Variants in GPC6 observed in about 807,000 individuals in gnomAD.
GPC6 encodes the protein glypican-6.
A neutral mutation model predicts 55.2 loss-of-function variants in GPC6; 14 were observed. The ratio of observed to expected loss-of-function variants is 0.25; its 90% CI spans 0.17 to 0.40. The LOEUF is 0.40. GPC6 is among the 10% of genes least tolerant of loss of function. The pLI, the probability that GPC6 is intolerant of heterozygous loss-of-function variation, is 1.00. For missense variants in GPC6, 641 were observed against 708.5 expected, an observed-to-expected ratio of 0.90 and a Z score of 1.08; for synonymous variants, 278 against 259.6, an observed-to-expected ratio of 1.07 and a Z score of -0.68.
At chr13:94,341,790 C>T (rs771050310) in intron 6 of GPC6, among the ~76,000 whole-genome samples, 2 of 152,022 alleles carry the variant, frequency 1.3e-5, no homozygotes, top group Non-Finnish European at 2.9e-5. Flanking sequence ...ATGATTTCCC[C>T]GAGTAAGGTT....
intron 4 of GPC6, among the ~76,000 whole-genome samples, chr13:94,127,940 A>T (rs2138861940): frequency 6.6e-6 from 1 of 152,302 alleles, no homozygotes; most frequent in South Asian, 2.1e-4. Context: ...GAAGGTGCTT[A>T]ATAAGGAAAG....
intron 6 of GPC6, among the ~76,000 whole-genome samples, chr13:94,315,454 A>G (rs1023202594): frequency 3.3e-5 from 5 of 152,162 alleles, no homozygotes; most frequent in East Asian, 1.9e-4. Context: ...ACCTGTCACA[A>G]TGGCAGGGGA....
intron 4 of GPC6, among the ~76,000 whole-genome samples, chr13:94,038,895 T>C (rs763459649): frequency 1.3e-5 from 2 of 151,948 alleles, no homozygotes; most frequent in Non-Finnish European, 2.9e-5. Context: ...TATCAACTAA[T>C]TGTTAATCAG....
intron 2 of GPC6, among the ~76,000 whole-genome samples, chr13:93,577,030 GT>G (rs1876700185): frequency 6.6e-6 from 1 of 152,136 alleles, no homozygotes; most frequent in Non-Finnish European, 1.5e-5. Context: ...AATGGGACAT[GT>G]TTTTGTGATG....
chr13:94,320,090 G>A (rs926449966), intron 6 of GPC6, among the ~76,000 whole-genome samples: 2 of 151,926 alleles, frequency 1.3e-5, no homozygotes, highest in African/African-American at 4.8e-5. Context: ...TATTTAGCTG[G>A]TAATAATGTA....
chr13:93,617,210 T>G (rs1040058012), intron 2 of GPC6, among the ~76,000 whole-genome samples: 3 of 152,148 alleles, frequency 2.0e-5, no homozygotes, highest in Non-Finnish European at 4.4e-5. Flanking sequence ...ATTTGCCAAA[T>G]AATTGCTATT....
At chr13:93,649,894 T>C (rs1880334200) in intron 2 of GPC6, among the ~76,000 whole-genome samples, 1 of 152,292 alleles carries the variant, frequency 6.6e-6, no homozygotes, top group East Asian at 1.9e-4. Context: ...TCACAGTACA[T>C]TCTGTGGTTC....
intron 3 of GPC6, among the ~76,000 whole-genome samples, chr13:93,856,123 G>A (rs1159895263): frequency 6.6e-6 from 1 of 151,444 alleles, no homozygotes; most frequent in East Asian, 2.0e-4. Context: ...GTATATATCA[G>A]CATTCTTGCA....
intron 4 of GPC6, among the ~76,000 whole-genome samples, chr13:94,177,376 C>T (rs1888813785): frequency 6.6e-6 from 1 of 151,848 alleles, no homozygotes. Flanking sequence ...ATATTTGCAG[C>T]AAATATGACT....
chr13:93,916,031 T>C (rs1877271186), intron 3 of GPC6, among the ~76,000 whole-genome samples: 2 of 151,892 alleles, frequency 1.3e-5, no homozygotes, highest in Admixed American at 6.6e-5. Context: ...CAGGAAGTGT[T>C]TTCCCTGGGA....
intron 2 of GPC6, among the ~76,000 whole-genome samples, chr13:93,603,215 G>A (rs1364227554): frequency 1.3e-5 from 2 of 151,944 alleles, no homozygotes; most frequent in African/African-American, 4.8e-5. Flanking sequence ...CACTCTGTTG[G>A]TATGCTGGTC....
At chr13:93,425,431 G>T (rs1877091282) in intron 1 of GPC6, among the ~76,000 whole-genome samples, 1 of 132,742 alleles carries the variant, frequency 7.5e-6, no homozygotes, top group Non-Finnish European at 1.8e-5. Context: ...CACAACCTAA[G>T]GCAGACCTCT....
chr13:94,353,761 T>A (rs1206386066), intron 6 of GPC6, among the ~76,000 whole-genome samples: 1 of 152,206 alleles, frequency 6.6e-6, no homozygotes, highest in African/African-American at 2.4e-5. Flanking sequence ...TTTCTTGGGC[T>A]GTTGATTAGT....
chr13:93,547,937 C>G (rs1874920335), intron 2 of GPC6, among the ~76,000 whole-genome samples: 1 of 152,138 alleles, frequency 6.6e-6, no homozygotes, highest in African/African-American at 2.4e-5. Context: ...AAGTCACCTT[C>G]CATGAGTGAT....
At chr13:94,155,053 G>C (rs1463561234) in intron 4 of GPC6, among the ~76,000 whole-genome samples, 1 of 152,066 alleles carries the variant, frequency 6.6e-6, no homozygotes, top group Non-Finnish European at 1.5e-5. Flanking sequence ...CCGGCTCCCT[G>C]GGGGTACACC....
intron 4 of GPC6, among the ~76,000 whole-genome samples, chr13:94,104,613 CA>C (rs1193255384): frequency 6.6e-6 from 1 of 152,192 alleles, no homozygotes. Flanking sequence ...ACAACTTCAG[CA>C]AAGTCTCAGG....
chr13:93,302,116 C>T (rs561581149), intron 1 of GPC6, among the ~76,000 whole-genome samples: 4 of 152,288 alleles, frequency 2.6e-5, no homozygotes, highest in African/African-American at 9.6e-5. Flanking sequence ...ATGAGGGCCT[C>T]TGTTTATGAG....
At chr13:94,156,922 C>T (rs545829692) in intron 4 of GPC6, among the ~76,000 whole-genome samples, 21 of 152,200 alleles carry the variant, frequency 1.4e-4, no homozygotes, top group South Asian at 6.2e-4. Context: ...CTCAGATTGG[C>T]GAGGTTTCTT....
chr13:93,403,552 T>C (rs997895292), intron 1 of GPC6, among the ~76,000 whole-genome samples: 4 of 152,210 alleles, frequency 2.6e-5, no homozygotes, highest in African/African-American at 9.6e-5. Context: ...GTCAATGCTC[T>C]TTTGTAGATA....
Sources: allele counts gnomAD v4.1 joint callset (sites outside exome capture counted in the v4.1 genomes callset), GRCh38; gene constraint gnomAD v4.1.1; transcripts MANE v1.5; gene names NCBI Gene and HGNC (gene_info 2026-07-23, HGNC 2026-07-21).